Variants in PVT1 observed in about 807,000 individuals in gnomAD.
The protein encoded by PVT1 is CXCR4/PVT1 fusion.
intron 3 of PVT1, among the ~76,000 whole-genome samples, chr8:127,962,785 C>T (rs10099566): frequency 0.39 from 58,571 of 151,662 alleles, 11,796 homozygotes; most frequent in East Asian, 0.6. Flanking sequence ...TTAGTAGAGA[C>T]GGGGTTTCAC....
At chr8:128,091,460 G>A (rs898254950) in intron 5 of PVT1, among the ~76,000 whole-genome samples, 4 of 152,224 alleles carry the variant, frequency 2.6e-5, no homozygotes, top group South Asian at 4.1e-4. Context: ...TGGCTCACCC[G>A]CTCCTCCCCC....
chr8:127,802,994 C>A (rs1814482422), intron 2 of PVT1, among the ~76,000 whole-genome samples: 1 of 151,892 alleles, frequency 6.6e-6, no homozygotes, highest in Admixed American at 6.6e-5. Context: ...AGGCCTTGGA[C>A]TGCAAGTCCA....
In PVT1 at chr8:127,982,092, C is replaced by T. The variant is rs78222075; in HGVS notation, n.783-7070C>T. ...GGCGCCTTTTGTGACCATTCTGTGA[C>T]GTGGTTTCTTGAAATGTAAGATGGG... On this transcript the variant is annotated intron_variant and non_coding_transcript_variant, in intron 3 of 10. Coordinates refer to ENST00000651587, the Ensembl canonical transcript of PVT1. Among the ~76,000 whole-genome samples the T allele has an allele frequency of 9.0e-3, 1,366 of 152,336 alleles. 10 individuals carry two copies. The highest frequency in any genetic ancestry group is 0.019 in the African/African-American group (773 of 41,568).
At chr8:127,847,712 G>T (rs902783316) in intron 2 of PVT1, among the ~76,000 whole-genome samples, 2 of 152,164 alleles carry the variant, frequency 1.3e-5, no homozygotes, top group Non-Finnish European at 2.9e-5. Context: ...AGCACAATGT[G>T]GAGCGGGGAG....
At chr8:127,876,947 A>T (rs73357005) in intron 2 of PVT1, among the ~76,000 whole-genome samples, 1,738 of 152,328 alleles carry the variant, frequency 0.011, 39 homozygotes, top group African/African-American at 0.039. Context: ...TGCTTCTGAG[A>T]AAGTCAGAAG....
chr8:128,047,500 G>A (rs1813631567), intron 4 of PVT1, among the ~76,000 whole-genome samples: 1 of 152,214 alleles, frequency 6.6e-6, no homozygotes, highest in Non-Finnish European at 1.5e-5. Flanking sequence ...GAGGATGGGC[G>A]CGTGGGAGCC....
In PVT1 at chr8:127,795,315, G is replaced by C. The variant is rs1814381304; in HGVS notation, n.195-579G>C. ...ATTAGGTTTGCCTTCTCTTGCTAAC[G>C]TGCTCTTATTTATGCCAGTGTTTGT... On this transcript the variant is annotated intron_variant and non_coding_transcript_variant, in intron 1 of 10. Transcript: ENST00000651587. 2.6e-5 allele frequency among the ~76,000 whole-genome samples: 4 copies of C among 152,244 alleles called. No individual in the cohort carries two copies. In the South Asian group the frequency reaches 8.3e-4, roughly 32 times the overall value.
intron 2 of PVT1, among the ~76,000 whole-genome samples, chr8:127,847,523 T>A (rs569068726): frequency 6.6e-6 from 1 of 152,312 alleles, no homozygotes; most frequent in South Asian, 2.1e-4. Context: ...AAAAGAACAG[T>A]GCCCAAGGTT....
chr8:128,041,196 CGTGTGTTTGCATGTGTGTTTGTGT>C (rs1185420331), intron 4 of PVT1, among the ~76,000 whole-genome samples: 1 of 134,226 alleles, frequency 7.5e-6, no homozygotes, highest in Non-Finnish European at 1.6e-5. Flanking sequence ...TGCTTGTGTT[CGTGTGTTTGCATGTGTGTTTGTGT>C]GTGTGCATGT....
At chr8:127,926,978 G>T (rs892090249) in intron 3 of PVT1, among the ~76,000 whole-genome samples, 2 of 151,988 alleles carry the variant, frequency 1.3e-5, no homozygotes, top group African/African-American at 4.8e-5. Context: ...TCCCTCCTCC[G>T]TTCATTCCCC....
intron 3 of PVT1, among the ~76,000 whole-genome samples, chr8:127,905,415 A>C (rs1563635425): frequency 6.6e-6 from 1 of 152,226 alleles, no homozygotes; most frequent in Non-Finnish European, 1.5e-5. Flanking sequence ...CACATGAAGA[A>C]GAGAATTTCC....
intron 3 of PVT1, chr8:127,947,706 C>T (rs1309583452): frequency 2.2e-6 from 1 of 456,388 alleles, no homozygotes; most frequent in Non-Finnish European, 4.4e-6. Flanking sequence ...TGACTGCCCA[C>T]CAGAGGCTGG....
chr8:127,922,572 C>T (rs1816074932), intron 3 of PVT1, among the ~76,000 whole-genome samples: 1 of 152,174 alleles, frequency 6.6e-6, no homozygotes, highest in South Asian at 2.1e-4. Context: ...ACCTTCCTAC[C>T]TCCATCCTTG....
chr8:127,821,268 G>A (rs1309599055), intron 2 of PVT1, among the ~76,000 whole-genome samples: 1 of 152,114 alleles, frequency 6.6e-6, no homozygotes, highest in Non-Finnish European at 1.5e-5. Flanking sequence ...GTAGCCGCTA[G>A]CCACTAGCCG....
intron 5 of PVT1, among the ~76,000 whole-genome samples, chr8:128,094,173 C>T (rs1263882550): frequency 1.3e-5 from 2 of 152,208 alleles, no homozygotes; most frequent in Middle Eastern, 3.4e-3. Flanking sequence ...AACTATGATC[C>T]GCAAGTTAAA....
At chr8:127,800,310 G>A (rs146982261) in intron 2 of PVT1, among the ~76,000 whole-genome samples, 94 of 152,174 alleles carry the variant, frequency 6.2e-4, no homozygotes, top group African/African-American at 2.1e-3. Context: ...AGCTGCTGGC[G>A]ATCCAGCAGG....
At chr8:127,947,463 T>C in intron 3 of PVT1, 5 of 321,446 alleles carry the variant, frequency 1.6e-5, no homozygotes, top group South Asian at 1.4e-4. Flanking sequence ...TGCTCTTTTT[T>C]TGGCATTCCC....
chr8:128,039,499 C>G (rs1004481675), intron 4 of PVT1, among the ~76,000 whole-genome samples: 2 of 152,150 alleles, frequency 1.3e-5, no homozygotes, highest in African/African-American at 4.8e-5. Flanking sequence ...GCTGCTTCCC[C>G]TTGTAGCTGG....
rs964977147 is a variant in PVT1 at position 127,978,331 on chromosome 8, A to AT, written n.783-10822dup. 4.7e-5 allele frequency among the ~76,000 whole-genome samples: 7 copies of AT among 150,290 alleles called. No homozygotes were observed. In the South Asian group the frequency reaches 1.1e-3, roughly 23 times the overall value. Reference sequence around the variant, plus strand: ...CCATACCTGGCTAATTTAAAAAAAAATTTTTTTTTGTAGAGACAGTATCTC... The same window carrying AT: ...CCATACCTGGCTAATTTAAAAAAAAATTTTTTTTTTGTAGAGACAGTATCTC... On this transcript the variant is annotated intron_variant and non_coding_transcript_variant, in intron 3 of 10. Coordinates refer to ENST00000651587, the Ensembl canonical transcript of PVT1.
Sources: gnomAD v4.1 joint callset for allele counts (sites outside exome capture counted in the v4.1 genomes callset) on GRCh38, gnomAD v4.1.1 for gene constraint, MANE v1.5 for transcripts, NCBI Gene and HGNC (gene_info 2026-07-23, HGNC 2026-07-21) for gene names.